The following PDE1C variants were observed in gnomAD, a reference collection of about 807,000 sequenced individuals.
PDE1C encodes the protein dual specificity calcium/calmodulin-dependent 3',5'-cyclic nucleotide phosphodiesterase 1C.
PDE1C carries 62 observed loss-of-function variants against 93.1 expected under a neutral mutation model. That is an observed-to-expected ratio of 0.67 (90% CI 0.54 to 0.82). The LOEUF (loss-of-function observed/expected upper bound fraction) is 0.82, where lower values mean the gene tolerates loss of function less well. PDE1C is among the 40% of genes least tolerant of loss of function. PDE1C has a pLI of 0.00. For missense variants in PDE1C, 742 were observed against 884.6 expected, an observed-to-expected ratio of 0.84 and a Z score of 2.04; for synonymous variants, 325 against 310.1, an observed-to-expected ratio of 1.05 and a Z score of -0.50.
intron 2 of PDE1C, among the ~76,000 whole-genome samples, chr7:32,027,292 A>G (rs926908352): frequency 3.9e-5 from 6 of 152,006 alleles, no homozygotes; most frequent in Non-Finnish European, 8.8e-5. Flanking sequence ...AAATATCTGT[A>G]CCTTCCTCTC....
intron 7 of PDE1C, among the ~76,000 whole-genome samples, chr7:31,861,811 T>C (rs1794727538): frequency 6.6e-6 from 1 of 152,184 alleles, no homozygotes; most frequent in African/African-American, 2.4e-5. Context: ...GTAATCCTTT[T>C]TGAATCTTTA....
At chr7:32,022,989 G>A (rs1265839448) in intron 2 of PDE1C, among the ~76,000 whole-genome samples, 2 of 148,336 alleles carry the variant, frequency 1.3e-5, no homozygotes, top group African/African-American at 2.5e-5. Flanking sequence ...ACATTTAAAA[G>A]CAAACCGGAA....
rs1485042014 is a variant in PDE1C at position 32,065,064 on chromosome 7, G to A, written c.101+5229C>T. On this transcript the variant is annotated intron_variant, in intron 1 of 17. Coordinates refer to ENST00000396191, the MANE Select transcript of PDE1C (RefSeq NM_001191057.4). ...ACGGAACGGCGGTGGGGGGGGGGGG[G>A]AGGAGCCGGGGGCCAGTGAGGGGGA... Among the ~76,000 whole-genome samples, 48 of 100,660 alleles carry A rather than the reference G, an allele frequency of 4.8e-4. 1 individual carries two copies. Among genetic ancestry groups the A allele is most frequent in the African/African-American group, 1.6e-3 (43 of 27,130 alleles). 66.0% of individuals were successfully genotyped at this position (100,660 alleles called of 152,430 possible). A position where few individuals can be genotyped will look rare whatever the true frequency, so the allele number is the denominator to read the frequency against.
At chr7:31,845,064 A>G (rs1792385658) in intron 9 of PDE1C, among the ~76,000 whole-genome samples, 1 of 152,154 alleles carries the variant, frequency 6.6e-6, no homozygotes, top group South Asian at 2.1e-4. Flanking sequence ...ACTACCTTAA[A>G]GAAAGTTCTA....
At chr7:32,077,956 G>T in intron 3 of PDE1C, 1 of 985,368 alleles carries the variant, frequency 1.0e-6, no homozygotes, top group South Asian at 4.7e-5. Flanking sequence ...TAGTGGCAGG[G>T]CAGCAAGACA....
chr7:32,325,654 C>G (rs1181584147), intron 1 of PDE1C, among the ~76,000 whole-genome samples: 1 of 152,216 alleles, frequency 6.6e-6, no homozygotes, highest in Non-Finnish European at 1.5e-5. Context: ...GAAAAGCACT[C>G]ATAGCAGGCT....
chr7:32,241,818 C>T (rs2128870047), intron 1 of PDE1C, among the ~76,000 whole-genome samples: 1 of 152,190 alleles, frequency 6.6e-6, no homozygotes, highest in East Asian at 1.9e-4. Context: ...CACCGCCTAT[C>T]TGCTGTATCC....
chr7:31,855,069 TAAAAAAA>T (rs70989615), intron 7 of PDE1C, among the ~76,000 whole-genome samples: 1 of 107,044 alleles, frequency 9.3e-6, no homozygotes, highest in Non-Finnish European at 1.8e-5. Context: ...TCCCTCTGTC[TAAAAAAA>T]AAAAAAAAAA....
upstream of PDE1C, chr7:32,299,389 C>G (rs1382797367): frequency 4.1e-6 from 4 of 985,454 alleles, no homozygotes; most frequent in Admixed American, 6.1e-5. Context: ...CCTGGAGCCC[C>G]GATAGTGTTT....
intron 1 of PDE1C, among the ~76,000 whole-genome samples, chr7:32,327,290 A>C (rs761453427): frequency 3.9e-5 from 6 of 152,184 alleles, no homozygotes; most frequent in Admixed American, 6.6e-5. Context: ...AAAGTCCCCA[A>C]ATCGTAAGTA....
the PDE1C span, among the ~76,000 whole-genome samples, chr7:31,645,013 T>G: frequency 6.6e-6 from 1 of 152,228 alleles, no homozygotes; most frequent in African/African-American, 2.4e-5. Flanking sequence ...CCATAAATAT[T>G]TGTTGGGCTC....
intron 7 of PDE1C, among the ~76,000 whole-genome samples, chr7:31,861,911 G>A (rs1794737609): frequency 6.6e-6 from 1 of 152,162 alleles, no homozygotes; most frequent in African/African-American, 2.4e-5. Flanking sequence ...AGCGTGGCCT[G>A]TAAAGCCAGA....
intron 2 of PDE1C, among the ~76,000 whole-genome samples, chr7:32,002,559 C>T (rs1785616207): frequency 6.8e-6 from 1 of 148,132 alleles, no homozygotes; most frequent in Non-Finnish European, 1.5e-5. Flanking sequence ...TAGAACAGCG[C>T]CTGACATAAA....
chr7:32,051,457 G>A (rs1793349074), intron 2 of PDE1C, 97 bp downstream of exon 2: 1 of 1,145,790 alleles, frequency 8.7e-7, no homozygotes, highest in African/African-American at 1.5e-5. Context: ...AGAACCAAAA[G>A]CCTGTTTATT....
At chr7:32,021,762 T>A (rs756099219) in intron 2 of PDE1C, among the ~76,000 whole-genome samples, 34 of 152,070 alleles carry the variant, frequency 2.2e-4, no homozygotes, top group Non-Finnish European at 4.1e-4. Flanking sequence ...AGACAATAAT[T>A]TTCCTTGGAA....
chr7:32,380,535 C>T lies in PDE1C; in HGVS notation c.310+47287G>A, dbSNP rs547481424. 3.3e-5 allele frequency among the ~76,000 whole-genome samples: 5 copies of T among 151,828 alleles called. No individual in the cohort carries two copies. The East Asian group carries it at 7.8e-4, about 24-fold the overall frequency. On this transcript the variant is annotated intron_variant, in intron 1 of 1. Transcript: ENST00000672256. The stretch of plus-strand genomic sequence containing the variant: ...TGCTGGGATTACAGGTGTGAGCCAC[C>T]GCACCCAGCCTCCATCCTCTCTTGA...
intron 3 of PDE1C, among the ~76,000 whole-genome samples, chr7:32,097,737 G>A (rs1201109707): frequency 6.6e-6 from 1 of 152,188 alleles, no homozygotes; most frequent in Non-Finnish European, 1.5e-5. Flanking sequence ...TGATAAAAAT[G>A]TGTAACTGAG....
intron 2 of PDE1C, among the ~76,000 whole-genome samples, chr7:32,177,809 C>T (rs55971759): frequency 0.12 from 17,935 of 152,122 alleles, 1,204 homozygotes; most frequent in Middle Eastern, 0.18. Flanking sequence ...GTGTAACACA[C>T]TATCTTTTCA....
chr7:32,103,741 C>A (rs1798150957), intron 3 of PDE1C, among the ~76,000 whole-genome samples: 1 of 151,860 alleles, frequency 6.6e-6, no homozygotes, highest in South Asian at 2.1e-4. Flanking sequence ...AAACAAATAA[C>A]AAAAAGGAAC....
Sources: allele counts gnomAD v4.1 joint callset (sites outside exome capture counted in the v4.1 genomes callset), GRCh38; gene constraint gnomAD v4.1.1; transcripts MANE v1.5; gene names NCBI Gene and HGNC (gene_info 2026-07-23, HGNC 2026-07-21).